BBX: variants seen among roughly 807,000 people sequenced by gnomAD.
BBX encodes HMG box transcription factor BBX.
In BBX, 30 loss-of-function variants were observed where a neutral mutation model predicts 100.2. The observed-to-expected ratio is 0.30, with a 90% confidence interval of 0.22 to 0.41. BBX has a LOEUF of 0.41. BBX is among the 10% of genes least tolerant of loss of function. BBX has a pLI of 1.00. For synonymous variants in BBX, 376 were observed against 388.1 expected (o/e 0.97, Z 0.37); for missense variants, 1,023 against 1,129.8 (o/e 0.91, Z 1.35).
chr3:107,700,423 T>G (rs917550417), intron 3 of BBX, among the ~76,000 whole-genome samples: 3 of 112,404 alleles, frequency 2.7e-5, no homozygotes, highest in Admixed American at 8.5e-5. Flanking sequence ...TCATTATTAT[T>G]ATTATTATTA....
chr3:107,763,580 A>G (rs1243007340), intron 10 of BBX, among the ~76,000 whole-genome samples: 1 of 152,186 alleles, frequency 6.6e-6, no homozygotes, highest in African/African-American at 2.4e-5. Flanking sequence ...ACCTGAACTA[A>G]AAGTGTGACA....
Position 107,631,138 on chromosome 3 carries a change from G to A in BBX, c.-83-14698G>A, listed in dbSNP as rs938910281. On this transcript the variant is annotated intron_variant, in intron 2 of 17. Coordinates refer to ENST00000325805, the MANE Select transcript of BBX (RefSeq NM_001142568.3). The stretch of plus-strand genomic sequence containing the variant: ...CTGACTAGAACAAACTGTTTAGCTT[G>A]CTGCTCATCCTAATCACCTGGACAG... Among the ~76,000 whole-genome samples, 5 of 152,154 alleles carry A rather than the reference G, an allele frequency of 3.3e-5. No homozygotes were observed. In the East Asian group the frequency reaches 9.6e-4, roughly 29 times the overall value.
intron 3 of BBX, among the ~76,000 whole-genome samples, chr3:107,658,929 G>A (rs902561465): frequency 2.0e-5 from 3 of 152,074 alleles, no homozygotes; most frequent in Non-Finnish European, 2.9e-5. Context: ...AGTCTGTGCA[G>A]TTTTATGATG....
chr3:107,611,855 G>A lies in BBX; in HGVS notation c.-83-33981G>A, dbSNP rs1188470290. On this transcript the variant is annotated intron_variant, in intron 2 of 17. Coordinates refer to ENST00000325805, the MANE Select transcript of BBX (RefSeq NM_001142568.3). ...TCTTTCTACCTCCTCTTTAAGTGCA[G>A]TAACTCCTAGATTTTCCCCTTTGAG... Among the ~76,000 whole-genome samples, 4 of 152,056 alleles carry A rather than the reference G, an allele frequency of 2.6e-5. No individual in the cohort carries two copies. The East Asian group carries it at 5.8e-4, about 22-fold the overall frequency.
intron 3 of BBX, among the ~76,000 whole-genome samples, chr3:107,701,007 G>A (rs370745447): frequency 3.3e-5 from 5 of 151,462 alleles, no homozygotes; most frequent in East Asian, 3.9e-4. Flanking sequence ...ATCCCTGAGG[G>A]ATCGCCACAC....
At chr3:107,680,670 C>T (rs1030410110) in intron 3 of BBX, among the ~76,000 whole-genome samples, 1 of 152,134 alleles carries the variant, frequency 6.6e-6, no homozygotes, top group African/African-American at 2.4e-5. Flanking sequence ...TTTTTAAAAG[C>T]TTCTTCGATT....
rs1383331270 is a variant in BBX at position 107,523,073 on chromosome 3, T to G, written c.-190T>G. ...CCCTGACTGGCCGCTGAGGGCTAGC[T>G]ACACACACGCCCTCACGCCCGGCGA... is the stretch of plus-strand genomic sequence containing the variant. On this transcript the variant is annotated 5_prime_UTR_variant, in exon 1 of 18. Transcript: ENST00000325805. 1.3e-5 allele frequency: 2 copies of G among 156,702 alleles called. No homozygotes were observed. The highest frequency in any genetic ancestry group is 2.4e-5 in the African/African-American group (1 of 41,494). The allele number at this position is 156,702 out of a possible 1,614,324, so 9.7% of individuals were successfully genotyped here. A position where few individuals can be genotyped will look rare whatever the true frequency, so the allele number is the denominator to read the frequency against.
intron 5 of BBX, among the ~76,000 whole-genome samples, chr3:107,719,224 T>G (rs1041579173): frequency 6.6e-6 from 1 of 152,046 alleles, no homozygotes; most frequent in Non-Finnish European, 1.5e-5. Context: ...CGTTTAAATT[T>G]TAAACCTCAA....
intron 3 of BBX, among the ~76,000 whole-genome samples, chr3:107,663,671 G>A (rs932013766): frequency 1.8e-4 from 27 of 151,524 alleles, no homozygotes; most frequent in African/African-American, 5.8e-4. Flanking sequence ...GCTCAACATC[G>A]TATTTGACTC....
chr3:107,779,420 C>T (rs977391253), intron 13 of BBX, among the ~76,000 whole-genome samples: 13 of 152,028 alleles, frequency 8.6e-5, no homozygotes, highest in Non-Finnish European at 1.8e-4. Context: ...GTTTTCCATA[C>T]ATATATGAAA....
chr3:107,802,991 G>A (rs1177702774), intron 17 of BBX, among the ~76,000 whole-genome samples: 4 of 152,182 alleles, frequency 2.6e-5, no homozygotes, highest in South Asian at 2.1e-4. Flanking sequence ...ACATTGGGAT[G>A]TATTGATTTG....
chr3:107,613,941 GTTTTTTTTTTTT>G (rs533672871), intron 2 of BBX, among the ~76,000 whole-genome samples: 6 of 86,544 alleles, frequency 6.9e-5, no homozygotes, highest in Admixed American at 5.1e-4. Context: ...ACATACCATG[GTTTTTTTTTTTT>G]TTTTTTTTTT....
rs373802730 is a variant in BBX, at chr3:107,543,763, A to G, written c.-84+17365A>G. Among the ~76,000 whole-genome samples the G allele has an allele frequency of 1.6e-3, 246 of 152,336 alleles. 6 individuals carry two copies. The South Asian group carries it at 0.049, about 31-fold the overall frequency. ...TAATCTTAAGCAAAAGAGTCTTTAA[A>G]AGCCATTTCAAAGCTGTTAGATTTT... On this transcript the variant is annotated intron_variant, in intron 2 of 17. Transcript: ENST00000325805.
At chr3:107,538,553 T>G (rs1324779176) in intron 2 of BBX, among the ~76,000 whole-genome samples, 1 of 152,160 alleles carries the variant, frequency 6.6e-6, no homozygotes, top group Non-Finnish European at 1.5e-5. Context: ...CCGAAAAGTT[T>G]TGACTTAGTT....
intron 16 of BBX, 83 bp downstream of exon 16, chr3:107,798,803 A>C (rs1437128206): frequency 3.8e-6 from 5 of 1,313,728 alleles, no homozygotes; most frequent in Non-Finnish European, 5.4e-6. Flanking sequence ...GTCTTGAGCC[A>C]CAATGAAATA....
chr3:107,763,451 A>G (rs1402353162), intron 10 of BBX, among the ~76,000 whole-genome samples: 2 of 152,222 alleles, frequency 1.3e-5, no homozygotes, highest in Non-Finnish European at 2.9e-5. Flanking sequence ...TAACATCAGT[A>G]GAAAAGAATA....
chr3:107,643,010 G>A (rs1360693602), intron 2 of BBX, among the ~76,000 whole-genome samples: 4 of 152,114 alleles, frequency 2.6e-5, no homozygotes, highest in Admixed American at 6.5e-5. Context: ...TCGTTACCTC[G>A]GAGTCCCTTC....
intron 5 of BBX, among the ~76,000 whole-genome samples, chr3:107,724,309 C>G (rs2107462612): frequency 6.6e-6 from 1 of 151,970 alleles, no homozygotes. Context: ...GGATATGAGC[C>G]CTTTGTCAGA....
rs1489522453 is a variant in BBX, at chr3:107,772,617, T to C, written c.907-11T>C. 7 of 1,555,322 alleles carry C rather than the reference T, an allele frequency of 4.5e-6. No individual in the cohort carries two copies. Among genetic ancestry groups the C allele is most frequent in the Non-Finnish European group, 6.0e-6 (7 of 1,158,486 alleles). On this transcript the variant is annotated splice_polypyrimidine_tract_variant and intron_variant, in intron 10 of 17. Transcript: ENST00000325805. ...TTTCGGGTGCTCTCCCATTTTGTTT[T>C]AATTGTTTAGATGTGCCTGGCATCA...
Sources: allele counts gnomAD v4.1 joint callset (sites outside exome capture counted in the v4.1 genomes callset), GRCh38; gene constraint gnomAD v4.1.1; transcripts MANE v1.5; gene names NCBI Gene and HGNC (gene_info 2026-07-23, HGNC 2026-07-21).